DMD: variants seen among roughly 807,000 people sequenced by gnomAD.
DMD encodes mutant dystrophin.
Under a neutral mutation model 330.1 loss-of-function variants are expected in DMD, and 63 were observed. The observed-to-expected ratio is 0.19, with a 90% CI of 0.16 to 0.24. The LOEUF is 0.24. DMD is among the 10% of genes least tolerant of loss of function. The pLI is 1.00. For missense variants in DMD, 3,344 were observed against 2,684.1 expected (o/e 1.25, Z -5.43); for synonymous variants, 1,223 against 959.8 (o/e 1.27, Z -5.07).
At chrX:32,135,670 T>C (rs192377925) in intron 44 of DMD, among the ~76,000 whole-genome samples, 67 of 112,483 alleles carry the variant, frequency 6.0e-4, no homozygotes, top group Admixed American at 5.1e-3. Flanking sequence ...CAGTGAGCCA[T>C]GAATGCACCA....
chrX:32,896,720 TG>T (rs1303093045), intron 2 of DMD, among the ~76,000 whole-genome samples: 2 of 112,686 alleles, frequency 1.8e-5, no homozygotes, highest in African/African-American at 6.4e-5. Flanking sequence ...CAACTAAACA[TG>T]TCTCATTTTA....
intron 60 of DMD, among the ~76,000 whole-genome samples, chrX:31,412,098 A>C (rs1293988482): frequency 9.5e-5 from 10 of 105,690 alleles, no homozygotes; most frequent in Non-Finnish European, 1.9e-4. Context: ...AGGCAGAAGA[A>C]TCACTTGAAC....
intron 16 of DMD, among the ~76,000 whole-genome samples, chrX:32,565,394 T>C (rs1333332561): frequency 9.0e-6 from 1 of 111,608 alleles, no homozygotes; most frequent in Non-Finnish European, 1.9e-5. Context: ...CAATCTCTGA[T>C]TTGGGGTTAG....
intron 1 of DMD, among the ~76,000 whole-genome samples, chrX:33,021,860 G>A (rs753347522): frequency 5.4e-5 from 6 of 111,287 alleles, no homozygotes; most frequent in Non-Finnish European, 1.1e-4. Flanking sequence ...TATTTCCTTT[G>A]TTGACAAGGG....
chrX:31,973,363 GC>G (rs2095413542), intron 44 of DMD, among the ~76,000 whole-genome samples: 2 of 111,150 alleles, frequency 1.8e-5, no homozygotes, highest in African/African-American at 6.5e-5. Flanking sequence ...GTGAAAAATG[GC>G]TGAAATAAAT....
At chrX:31,588,949 C>G (rs1333886791) in intron 55 of DMD, among the ~76,000 whole-genome samples, 1 of 105,884 alleles carries the variant, frequency 9.4e-6, no homozygotes, top group Admixed American at 1.0e-4. Context: ...TTTAAGCCAC[C>G]AGTGTGTTCA....
intron 62 of DMD, among the ~76,000 whole-genome samples, chrX:31,318,021 T>A (rs1199390261): frequency 1.8e-5 from 2 of 111,843 alleles, no homozygotes; most frequent in Non-Finnish European, 3.8e-5. Flanking sequence ...AAGGAAGAAA[T>A]CAACCAACCA....
chrX:32,636,884 A>G (rs982388397), intron 11 of DMD, among the ~76,000 whole-genome samples: 10 of 109,855 alleles, frequency 9.1e-5, no homozygotes, highest in East Asian at 2.9e-4. Context: ...TGTAGTCCCA[A>G]CTACTGGGGA....
At chrX:31,379,367 T>G (rs1602318678) in intron 60 of DMD, among the ~76,000 whole-genome samples, 1 of 111,181 alleles carries the variant, frequency 9.0e-6, no homozygotes, top group East Asian at 2.8e-4. Context: ...TGCTCCTTTT[T>G]CTTTATCCCA....
intron 61 of DMD, among the ~76,000 whole-genome samples, chrX:31,347,884 A>AT: frequency 8.9e-6 from 1 of 112,122 alleles, no homozygotes; most frequent in Non-Finnish European, 1.9e-5. Context: ...AGAATCTGTT[A>AT]TTTTTTGTCT....
At chrX:31,530,647 CTTTTTTT>C (rs1192286078) in intron 55 of DMD, among the ~76,000 whole-genome samples, 3 of 49,820 alleles carry the variant, frequency 6.0e-5, no homozygotes, top group African/African-American at 1.6e-4. Flanking sequence ...ACTGGTTTCT[CTTTTTTT>C]TTTTTTTTTT....
At chrX:32,148,025 C>T (rs2096786769) in intron 44 of DMD, among the ~76,000 whole-genome samples, 1 of 108,770 alleles carries the variant, frequency 9.2e-6, no homozygotes, top group Non-Finnish European at 1.9e-5. Flanking sequence ...CTACAGGCAC[C>T]CACTACCACG....
intron 1 of DMD, among the ~76,000 whole-genome samples, chrX:33,151,857 G>A (rs976988705): frequency 4.5e-5 from 5 of 111,763 alleles, no homozygotes; most frequent in Non-Finnish European, 1.9e-5. Context: ...CATGGGACAT[G>A]GTCCATATTC....
intron 63 of DMD, among the ~76,000 whole-genome samples, chrX:31,238,251 A>G (rs945187833): frequency 1.8e-5 from 2 of 111,301 alleles, no homozygotes; most frequent in African/African-American, 6.5e-5. Context: ...CATAGCAGAC[A>G]GGGCTCATTC....
intron 77 of DMD, among the ~76,000 whole-genome samples, chrX:31,133,003 G>A (rs746343925): frequency 8.9e-6 from 1 of 112,030 alleles, no homozygotes; most frequent in Admixed American, 9.4e-5. Context: ...CCTTAGCAAC[G>A]CTCTACCAGA....
At chrX:31,820,232 GAATTAT>G in intron 49 of DMD, 149 bp from the exon 50 acceptor site, 2 of 518,508 alleles carry the variant, frequency 3.9e-6, no homozygotes, top group East Asian at 7.5e-5. Flanking sequence ...TCTTTTAAAG[GAATTAT>G]AATTATTTTA....
At chrX:31,211,010 G>A (rs1247104701) in intron 64 of DMD, among the ~76,000 whole-genome samples, 1 of 112,064 alleles carries the variant, frequency 8.9e-6, no homozygotes, top group Non-Finnish European at 1.9e-5. Flanking sequence ...CCCTTGGAAG[G>A]GAAGGCCCCT....
chrX:32,494,861 T>G (rs1372638566), intron 19 of DMD, among the ~76,000 whole-genome samples: 1 of 111,354 alleles, frequency 9.0e-6, no homozygotes, highest in Non-Finnish European at 1.9e-5. Flanking sequence ...ATACATTTTT[T>G]AAAGAAGTTT....
chrX:33,292,043 T>G (rs1412953063), intron 1 of DMD, among the ~76,000 whole-genome samples: 1 of 111,494 alleles, frequency 9.0e-6, no homozygotes, highest in Non-Finnish European at 1.9e-5. Context: ...ACTTTCTATT[T>G]TCATCAATCT....
Sources: allele counts gnomAD v4.1 joint callset (sites outside exome capture counted in the v4.1 genomes callset), GRCh38; gene constraint gnomAD v4.1.1; transcripts MANE v1.5; gene names NCBI Gene and HGNC (gene_info 2026-07-23, HGNC 2026-07-21).